The following FAT2 variants were observed in gnomAD, a reference collection of about 807,000 sequenced individuals.
FAT2 encodes the protein protocadherin Fat 2.
In FAT2, 150 loss-of-function variants were observed where a neutral mutation model predicts 295.3. The observed-to-expected ratio is 0.51, with a 90% confidence interval of 0.44 to 0.58. The LOEUF (loss-of-function observed/expected upper bound fraction) is 0.58, where lower values mean the gene tolerates loss of function less well. Among genes scored for constraint, FAT2 ranks in the 20% least tolerant of loss-of-function variants. FAT2 has a pLI of 0.00. For synonymous variants in FAT2, 2,026 were observed against 2,150.3 expected (o/e 0.94, Z 1.60); for missense variants, 4,868 against 5,442.7 (o/e 0.89, Z 3.32).
intron 1 of FAT2, among the ~76,000 whole-genome samples, chr5:151,587,557 C>T (rs59201789): frequency 0.068 from 10,367 of 152,258 alleles, 421 homozygotes; most frequent in South Asian, 0.12. Context: ...AGTGCCAACT[C>T]CTCCAAGAGC....
At chr5:151,582,476 A>G (rs1035459562) in intron 1 of FAT2, among the ~76,000 whole-genome samples, 1 of 152,210 alleles carries the variant, frequency 6.6e-6, no homozygotes, top group Non-Finnish European at 1.5e-5. Context: ...GCCCTACCCC[A>G]GAGCTACTGA....
chr5:151,590,789 C>A (rs1229855701), intron 1 of FAT2, among the ~76,000 whole-genome samples: 1 of 152,216 alleles, frequency 6.6e-6, no homozygotes, highest in Non-Finnish European at 1.5e-5. Flanking sequence ...CAGAGGAAAT[C>A]TCCTCCATGT....
In FAT2 at chr5:151,546,354, GACAA is replaced by G. The variant is rs1477738904; in HGVS notation, c.4790-21_4790-18del. 2 of 1,597,082 alleles carry G rather than the reference GACAA, an allele frequency of 1.3e-6. No homozygotes were observed. Among genetic ancestry groups the G allele is most frequent in the South Asian group, 2.2e-5 (2 of 89,350 alleles). On this transcript the variant is annotated intron_variant, in intron 9 of 23. Transcript: ENST00000261800. The stretch of plus-strand genomic sequence containing the variant: ...CGCTGTTCCCTGAAACAGAAGACAA[GACAA>G]ACAAGTTTGCCACACCCTCGACAGG...
At chr5:151,590,556 T>G (rs965949569) in intron 1 of FAT2, among the ~76,000 whole-genome samples, 14 of 152,316 alleles carry the variant, frequency 9.2e-5, no homozygotes, top group African/African-American at 3.1e-4. Context: ...AGACTCATGG[T>G]CTTTCACAGC....
intron 4 of FAT2, 119 bp downstream of exon 4, chr5:151,556,225 C>T (rs560049277): frequency 5.0e-4 from 401 of 799,880 alleles, no homozygotes; most frequent in Non-Finnish European, 7.7e-4. Context: ...GTTCAGCTCA[C>T]GTATATCTTC....
In FAT2 at chr5:151,505,911, T is replaced by C. The variant is rs1760819438; in HGVS notation, c.12704A>G (p.Lys4235Arg). 4 of 1,590,378 alleles carry C rather than the reference T, an allele frequency of 2.5e-6. No individual in the cohort carries two copies. The highest frequency in any genetic ancestry group is 2.6e-6 in the Non-Finnish European group (3 of 1,170,198). ...GFPFPLEMEN[K>R]RAPLPPRYSN... ...GTAACGGGGTGGGAGAGGTGCCCGC[T>C]TGTTTTCCATCTCCAGGGGGAAGGG... is the stretch of plus-strand genomic sequence containing the variant. The change falls in exon 24 of 24, where the codon AAG becomes AGG. Residue 4235 changes from lysine to arginine, a missense_variant. Lys to Arg is a conservative substitution (Grantham distance 26). Around this residue, in one of 5 missense-constraint regions of FAT2, gnomAD observed 492 missense variants for 482.6 expected, o/e 1.02. Transcript: ENST00000261800.
chr5:151,537,370 A>G (rs927051439), intron 12 of FAT2, among the ~76,000 whole-genome samples: 5 of 151,244 alleles, frequency 3.3e-5, no homozygotes, highest in African/African-American at 9.7e-5. Context: ...AAGGAAGGAA[A>G]GAAACAACGA....
chr5:151,569,587 A>G (rs907092446), intron 1 of FAT2, among the ~76,000 whole-genome samples: 3 of 151,942 alleles, frequency 2.0e-5, no homozygotes, highest in African/African-American at 7.3e-5. Flanking sequence ...TGGTTGAGAA[A>G]CCCCGTGGCT....
At chr5:151,507,050 G>C (rs1040829740) in intron 23 of FAT2, 104 bp downstream of exon 23, 3 of 983,768 alleles carry the variant, frequency 3.0e-6, no homozygotes, top group African/African-American at 3.3e-5. Flanking sequence ...CAAAGGGTTG[G>C]ATGCGTGGTA....
intron 1 of FAT2, among the ~76,000 whole-genome samples, chr5:151,590,141 C>T (rs1033993499): frequency 1.8e-4 from 27 of 152,214 alleles, no homozygotes; most frequent in Non-Finnish European, 2.5e-4. Flanking sequence ...AAGCATTCAA[C>T]GAGCATAAGC....
intron 13 of FAT2, among the ~76,000 whole-genome samples, chr5:151,533,804 G>T (rs1432794717): frequency 6.6e-6 from 1 of 151,704 alleles, no homozygotes; most frequent in Non-Finnish European, 1.5e-5. Context: ...ATGTATACAT[G>T]CAGGTATGTA....
chr5:151,568,884 C>T lies in FAT2; in HGVS notation c.48G>A (p.Ala16=), dbSNP rs752118764. The change falls in exon 2 of 24, where the codon GCG becomes GCA. Residue 16 remains alanine (A), a synonymous_variant. Coordinates refer to ENST00000261800, the MANE Select transcript of FAT2 (RefSeq NM_001447.3). ...TCCCTTCTAGAGGCTTCTCACAGGT[C>T]GCACAATGGAGCAAGAATATGGCAA... ...LGFAIFLLHC[A]TCEKPLEGIL... is the part of the protein sequence containing the mutation. 2.1e-5 allele frequency: 34 copies of T among 1,613,356 alleles called. No homozygotes were observed. Among genetic ancestry groups the T allele is most frequent in the African/African-American group, 2.0e-4 (15 of 74,810 alleles).
intron 9 of FAT2, among the ~76,000 whole-genome samples, chr5:151,547,824 TA>T (rs796192249): frequency 5.6e-4 from 85 of 152,250 alleles, no homozygotes; most frequent in Admixed American, 1.8e-3. Context: ...AAAATATGCA[TA>T]GGGGAAGATA....
rs777716106 is a variant in FAT2, at chr5:151,567,922, C to G, written c.1010G>C (p.Ser337Thr). The change falls in exon 2 of 24, where the codon AGT (serine) becomes ACT (threonine). Residue 337 changes from serine to threonine, a missense_variant. Transcript: ENST00000261800. ...HGFNLSLQAR[S>T]GSGPYFYSQI... is the part of the protein sequence containing the mutation. ...GGAATAAAAATAAGGGCCGCTCCCA[C>G]TCCTGGCCTGGAGGCTGAGGTTGAA... 6.2e-7 allele frequency: 1 copy of G among 1,614,168 alleles called. No homozygotes were observed. The highest frequency in any genetic ancestry group is 1.1e-5 in the South Asian group (1 of 91,082).
At position 151,531,858 on chromosome 5, in the gene FAT2, C is replaced by T. The variant is rs201974408; in HGVS notation, c.9540G>A (p.Gln3180=). ...CACGGACCGTGAGCTCCAGTGGTGC[C>T]TGGGGCCTGACCTGCAGCGGCTTTT... ...RLEKPLQVRP[Q]APLELTVRAS... Residue 3180 remains glutamine, a synonymous_variant, in exon 14 of 24, where the codon CAG becomes CAA. Coordinates refer to ENST00000261800, the MANE Select transcript of FAT2 (RefSeq NM_001447.3). This position sits in a 1 kb window ranked among gnomAD's most constrained non-coding sequence, Gnocchi z 5.7. The T allele has an allele frequency of 2.5e-6, 4 of 1,614,150 alleles. No individual in the cohort carries two copies. The highest frequency in any genetic ancestry group is 3.4e-6 in the Non-Finnish European group (4 of 1,180,024).
chr5:151,545,308 G>A lies in FAT2; in HGVS notation c.5819C>T (p.Thr1940Ile), dbSNP rs568418713. ...ATACAAGCCATCAGAAGCCCTGATG[G>A]TGAGCTTCCGAGAGAGTCCCAGGAA... ...PAFLGLSRKL[T>I]IRASDGLYQD... Residue 1940 changes from threonine to isoleucine, a missense_variant, in exon 10 of 24, where the codon ACC becomes ATC. By Grantham distance (89) the Thr-to-Ile change is moderately conservative (BLOSUM62 -1). Coordinates refer to ENST00000261800, the MANE Select transcript of FAT2 (RefSeq NM_001447.3). 4.3e-6 allele frequency: 7 copies of A among 1,614,164 alleles called. No homozygotes were observed. The highest frequency in any genetic ancestry group is 2.7e-5 in the African/African-American group (2 of 75,038).
chr5:151,592,867 A>G (rs1156851037), upstream of FAT2, among the ~76,000 whole-genome samples: 1 of 152,198 alleles, frequency 6.6e-6, no homozygotes, highest in Non-Finnish European at 1.5e-5. Context: ...TGTTGCTTAT[A>G]CAGGAGCAAT....
At chr5:151,578,218 G>A (rs1160537635) in intron 1 of FAT2, among the ~76,000 whole-genome samples, 2 of 152,174 alleles carry the variant, frequency 1.3e-5, no homozygotes, top group Non-Finnish European at 2.9e-5. Context: ...AAAATGCAAA[G>A]GCCAGAATGT....
chr5:151,512,364 G>C lies in FAT2; in HGVS notation c.11706C>G (p.Ser3902=), dbSNP rs1410414030. The change falls in exon 21 of 24, where the codon TCC becomes TCG. Residue 3902 remains serine (S), a synonymous_variant. Coordinates refer to ENST00000261800, the MANE Select transcript of FAT2 (RefSeq NM_001447.3). This position sits in a 1 kb window ranked among gnomAD's most constrained non-coding sequence, Gnocchi z 4.1. ...CTTCAAAGCCCTGGGAGACATTCGA[G>C]GAAGAATGCAACAGAATGAGGCCGC... is the stretch of plus-strand genomic sequence containing the variant. ...LLGGLILLHS[S]SNVSQGFEGC... 1 of 1,614,240 alleles carries C rather than the reference G, an allele frequency of 6.2e-7. No individual in the cohort carries two copies. Among genetic ancestry groups the C allele is most frequent in the Non-Finnish European group, 8.5e-7 (1 of 1,180,038 alleles).
Sources: gnomAD v4.1 joint callset for allele counts (sites outside exome capture counted in the v4.1 genomes callset) on GRCh38, gnomAD v4.1.1 for gene constraint, gnomAD v4.1.1 regional missense constraint, Gnocchi (gnomAD v3.1) non-coding constraint, MANE v1.5 for transcripts, NCBI Gene and HGNC (gene_info 2026-07-23, HGNC 2026-07-21) for gene names.